The following NCKAP5 variants were observed in gnomAD, a reference collection of about 807,000 sequenced individuals.
The protein encoded by NCKAP5 is nck-associated protein 5.
In NCKAP5, 92 loss-of-function variants were observed where a neutral mutation model predicts 167.0. That is an observed-to-expected ratio of 0.55 (90% CI 0.47 to 0.66). The LOEUF is 0.66. Ranked by LOEUF, NCKAP5 falls within the 30% of genes least tolerant of loss-of-function variation. The pLI, the probability that NCKAP5 is intolerant of heterozygous loss-of-function variation, is 0.00. For missense variants in NCKAP5, 2,378 were observed against 2,315.0 expected (o/e 1.03, Z -0.56); for synonymous variants, 891 against 877.4 (o/e 1.02, Z -0.27).
chr2:132,973,700 T>C (rs2076898343), intron 7 of NCKAP5, among the ~76,000 whole-genome samples: 1 of 151,898 alleles, frequency 6.6e-6, no homozygotes, highest in South Asian at 2.1e-4. Context: ...AGTGTATTTC[T>C]ATCTTCCCAT....
intron 11 of NCKAP5, among the ~76,000 whole-genome samples, chr2:132,847,997 T>C (rs930641505): frequency 6.6e-6 from 1 of 152,216 alleles, no homozygotes; most frequent in Non-Finnish European, 1.5e-5. Flanking sequence ...ATGTGTTTAA[T>C]GGTTCCTCTT....
chr2:132,872,773 G>A (rs189407913), intron 9 of NCKAP5, among the ~76,000 whole-genome samples: 67 of 152,340 alleles, frequency 4.4e-4, no homozygotes, highest in African/African-American at 1.6e-3. Flanking sequence ...CTTTGGAGAG[G>A]TGTTCTATGC....
At chr2:132,948,272 G>A (rs557644982) in intron 8 of NCKAP5, among the ~76,000 whole-genome samples, 93 of 152,272 alleles carry the variant, frequency 6.1e-4, no homozygotes, top group Non-Finnish European at 1.2e-3. Flanking sequence ...GGCTGGTTAG[G>A]GGGGGAAGCT....
In NCKAP5 at chr2:133,080,763, T is replaced by C. The variant is rs938861370; in HGVS notation, c.341+49215A>G. 7.9e-5 allele frequency among the ~76,000 whole-genome samples: 12 copies of C among 151,998 alleles called. No homozygotes were observed. The East Asian group carries it at 2.1e-3, about 27-fold the overall frequency. The stretch of plus-strand genomic sequence containing the variant: ...AAATATAATTGTGGAGTAAAGCAAA[T>C]ACAAATGTAAAAATTAGCCGAAAAA... On this transcript the variant is annotated intron_variant, in intron 6 of 19. Transcript: ENST00000409261.
chr2:132,854,002 AC>A (rs1490700915), intron 11 of NCKAP5, among the ~76,000 whole-genome samples: 2 of 152,116 alleles, frequency 1.3e-5, no homozygotes, highest in Non-Finnish European at 2.9e-5. Flanking sequence ...TACCTCTGTT[AC>A]AAGCATTTCC....
intron 6 of NCKAP5, among the ~76,000 whole-genome samples, chr2:133,108,557 TA>T (rs1293090361): frequency 1.3e-5 from 2 of 152,240 alleles, no homozygotes; most frequent in African/African-American, 4.8e-5. Context: ...AAAATTCATT[TA>T]ACATTCAAGG....
chr2:133,352,879 C>T (rs1322206383), intron 3 of NCKAP5, among the ~76,000 whole-genome samples: 1 of 152,176 alleles, frequency 6.6e-6, no homozygotes, highest in Non-Finnish European at 1.5e-5. Flanking sequence ...ATTTCCAGAA[C>T]ATGTACTGGC....
At chr2:133,651,826 A>G in the NCKAP5 span, among the ~76,000 whole-genome samples, 3 of 152,260 alleles carry the variant, frequency 2.0e-5, no homozygotes, top group Admixed American at 1.3e-4. Context: ...CAGCCTGAAT[A>G]AAAGGGAATC....
At chr2:133,627,014 T>G in the NCKAP5 span, among the ~76,000 whole-genome samples, 7 of 152,014 alleles carry the variant, frequency 4.6e-5, no homozygotes, top group Non-Finnish European at 7.4e-5. Context: ...CATAGATAAA[T>G]AATTATTATT....
At chr2:133,302,898 A>G (rs893547647) in intron 4 of NCKAP5, 139 bp downstream of exon 4, 2 of 497,390 alleles carry the variant, frequency 4.0e-6, no homozygotes, top group Non-Finnish European at 7.1e-6. Context: ...TTCCAAGATG[A>G]TAGTTTCTTA....
At chr2:133,575,214 G>C in the NCKAP5 span, among the ~76,000 whole-genome samples, 1 of 152,236 alleles carries the variant, frequency 6.6e-6, no homozygotes, top group Non-Finnish European at 1.5e-5. Flanking sequence ...TTAGGCAGGA[G>C]CCTCTTGGCT....
intron 6 of NCKAP5, among the ~76,000 whole-genome samples, chr2:133,111,068 C>A (rs933801483): frequency 1.3e-5 from 2 of 152,098 alleles, no homozygotes; most frequent in African/African-American, 2.4e-5. Flanking sequence ...ACCTTAATTA[C>A]CTCCCTAAAG....
chr2:132,871,399 C>T (rs1252489680), intron 9 of NCKAP5, among the ~76,000 whole-genome samples: 2 of 152,130 alleles, frequency 1.3e-5, no homozygotes, highest in Non-Finnish European at 2.9e-5. Context: ...TAATTCATGC[C>T]ATAAATAATT....
chr2:132,815,462 GT>G (rs1686192748), intron 11 of NCKAP5, among the ~76,000 whole-genome samples: 1 of 152,134 alleles, frequency 6.6e-6, no homozygotes, highest in African/African-American at 2.4e-5. Flanking sequence ...TAGACTGTGG[GT>G]TGGAGACTAC....
At chr2:133,589,242 G>T in the NCKAP5 span, among the ~76,000 whole-genome samples, 1 of 152,198 alleles carries the variant, frequency 6.6e-6, no homozygotes, top group African/African-American at 2.4e-5. Context: ...GGATGAACTC[G>T]GGTTGGGAAT....
intron 3 of NCKAP5, among the ~76,000 whole-genome samples, chr2:133,406,157 GGA>G (rs1434601334): frequency 1.3e-5 from 2 of 152,148 alleles, no homozygotes; most frequent in African/African-American, 2.4e-5. Flanking sequence ...AAGCATCCCT[GGA>G]ACAGTTAGAA....
chr2:133,214,698 T>C (rs918055529), intron 4 of NCKAP5, among the ~76,000 whole-genome samples: 3 of 152,180 alleles, frequency 2.0e-5, no homozygotes, highest in Admixed American at 6.6e-5. Context: ...TGAATTCTTC[T>C]GGTAATCCCT....
intron 8 of NCKAP5, among the ~76,000 whole-genome samples, chr2:132,881,148 T>C (rs10186393): frequency 0.59 from 90,396 of 151,990 alleles, 27,597 homozygotes; most frequent in East Asian, 0.81. Context: ...CATCAGGTAA[T>C]CTCTAATCCG....
intron 3 of NCKAP5, among the ~76,000 whole-genome samples, chr2:133,423,478 C>T (rs1329352565): frequency 6.6e-6 from 1 of 152,012 alleles, no homozygotes; most frequent in Non-Finnish European, 1.5e-5. Flanking sequence ...TATTCAGAAC[C>T]CTTTTTGCTT....
Sources: allele counts gnomAD v4.1 joint callset (sites outside exome capture counted in the v4.1 genomes callset), GRCh38; gene constraint gnomAD v4.1.1; transcripts MANE v1.5; gene names NCBI Gene and HGNC (gene_info 2026-07-23, HGNC 2026-07-21).